LRRC4C: variants seen among roughly 807,000 people sequenced by gnomAD.
The protein encoded by LRRC4C is leucine-rich repeat-containing protein 4C.
A neutral mutation model predicts 33.6 loss-of-function variants in LRRC4C; 5 were observed. That is an observed-to-expected ratio of 0.15 (90% CI 0.08 to 0.31). The LOEUF (loss-of-function observed/expected upper bound fraction) is 0.31, where lower values mean the gene tolerates loss of function less well. LRRC4C is among the 10% of genes least tolerant of loss of function. The pLI, the probability that LRRC4C is intolerant of heterozygous loss-of-function variation, is 1.00. For missense variants in LRRC4C, 560 were observed against 796.7 expected, an observed-to-expected ratio of 0.70 and a Z score of 3.58; for synonymous variants, 329 against 302.0, an observed-to-expected ratio of 1.09 and a Z score of -0.93.
chr11:40,290,711 AT>A (rs756043107), intron 4 of LRRC4C, among the ~76,000 whole-genome samples: 8 of 151,466 alleles, frequency 5.3e-5, no homozygotes, highest in East Asian at 1.9e-4. Flanking sequence ...TGTCGATCTT[AT>A]TTTTTTTTAA....
At chr11:40,954,723 G>A (rs1290409708) in intron 1 of LRRC4C, among the ~76,000 whole-genome samples, 2 of 151,796 alleles carry the variant, frequency 1.3e-5, no homozygotes, top group Non-Finnish European at 2.9e-5. Context: ...CCAGACCACT[G>A]GCAGGTTAGT....
At chr11:40,929,193 C>T (rs1957509176) in intron 2 of LRRC4C, among the ~76,000 whole-genome samples, 1 of 152,130 alleles carries the variant, frequency 6.6e-6, no homozygotes, top group East Asian at 1.9e-4. Flanking sequence ...CTACTGGATG[C>T]CAACAATACC....
intron 2 of LRRC4C, among the ~76,000 whole-genome samples, chr11:40,806,016 C>T (rs1349662800): frequency 6.6e-6 from 1 of 152,126 alleles, no homozygotes; most frequent in Non-Finnish European, 1.5e-5. Flanking sequence ...CAAATGGCCC[C>T]TAATGTCCCA....
At chr11:40,378,221 T>C (rs906684861) in intron 3 of LRRC4C, among the ~76,000 whole-genome samples, 1 of 152,032 alleles carries the variant, frequency 6.6e-6, no homozygotes, top group African/African-American at 2.4e-5. Context: ...GATGAAGAAA[T>C]TGATCTTTGA....
chr11:40,860,426 GT>G lies in LRRC4C; in HGVS notation c.-407+73208del, dbSNP rs1565143771. Among the ~76,000 whole-genome samples the G allele has an allele frequency of 6.2e-5, 9 of 145,314 alleles. No individual in the cohort carries two copies. In the East Asian group the frequency reaches 1.8e-3, roughly 29 times the overall value. ...TGTTTCCTCTGAAATTAAGATGTCAGTGGAAACATGTTTCCTCTGAAATTAA... is the reference window on the plus strand; with the variant it reads ...TGTTTCCTCTGAAATTAAGATGTCAGGGAAACATGTTTCCTCTGAAATTAA... On this transcript the variant is annotated intron_variant, in intron 2 of 6. Coordinates refer to ENST00000528697, the MANE Select transcript of LRRC4C (RefSeq NM_001258419.2).
chr11:41,204,549 T>C (rs1281788836), intron 1 of LRRC4C, among the ~76,000 whole-genome samples: 4 of 152,358 alleles, frequency 2.6e-5, no homozygotes, highest in Admixed American at 2.0e-4. Flanking sequence ...CTCAGGCTCA[T>C]GGCTTTAAAA....
At chr11:41,002,100 C>A (rs1290816757) in intron 1 of LRRC4C, among the ~76,000 whole-genome samples, 1 of 152,082 alleles carries the variant, frequency 6.6e-6, no homozygotes, top group Non-Finnish European at 1.5e-5. Flanking sequence ...CTTCGAAACC[C>A]CTTTTTTGTA....
intron 2 of LRRC4C, among the ~76,000 whole-genome samples, chr11:40,845,075 G>T (rs1953094198): frequency 6.6e-6 from 1 of 151,982 alleles, no homozygotes; most frequent in East Asian, 1.9e-4. Flanking sequence ...AAAACGTCAT[G>T]TTGTACAACA....
At chr11:41,189,777 T>C (rs1353198429) in intron 1 of LRRC4C, among the ~76,000 whole-genome samples, 2 of 152,114 alleles carry the variant, frequency 1.3e-5, no homozygotes, top group East Asian at 1.9e-4. Flanking sequence ...AATGAGAAAC[T>C]AGGAAATAAA....
chr11:41,163,284 GTT>G (rs71466923), intron 1 of LRRC4C, among the ~76,000 whole-genome samples: 7 of 73,380 alleles, frequency 9.5e-5, no homozygotes, highest in Admixed American at 2.3e-4. Flanking sequence ...TACTGTAACT[GTT>G]TTTTTTTTTT....
intron 3 of LRRC4C, among the ~76,000 whole-genome samples, chr11:40,358,712 C>T (rs2137147079): frequency 6.6e-6 from 1 of 152,152 alleles, no homozygotes; most frequent in African/African-American, 2.4e-5. Context: ...GTGTGTGCAC[C>T]TGCGGAGACT....
intron 2 of LRRC4C, among the ~76,000 whole-genome samples, chr11:40,672,031 A>T: frequency 6.6e-6 from 1 of 152,184 alleles, no homozygotes; most frequent in East Asian, 1.9e-4. Flanking sequence ...GTTGTTAGTT[A>T]CTCATCACTG....
chr11:40,871,099 C>T lies in LRRC4C; in HGVS notation c.-407+62536G>A, dbSNP rs1033846001. ...AGGCTTATTAGGATGAGGAAATTCC[C>T]GCCTAATAAATTTTGGTCAGACCGG... is the stretch of plus-strand genomic sequence containing the variant. On this transcript the variant is annotated intron_variant, in intron 2 of 6. Transcript: ENST00000528697. 5.3e-5 allele frequency among the ~76,000 whole-genome samples: 8 copies of T among 152,072 alleles called. No individual in the cohort carries two copies. In the East Asian group the frequency reaches 9.7e-4, roughly 18 times the overall value.
chr11:41,379,239 C>T (rs185696109), intron 1 of LRRC4C, among the ~76,000 whole-genome samples: 5 of 152,274 alleles, frequency 3.3e-5, no homozygotes, highest in African/African-American at 9.6e-5. Flanking sequence ...TGGTTCAAAA[C>T]ATCTGTGATT....
chr11:40,448,009 G>A (rs1951717265), intron 3 of LRRC4C, among the ~76,000 whole-genome samples: 1 of 152,018 alleles, frequency 6.6e-6, no homozygotes, highest in African/African-American at 2.4e-5. Context: ...TAGAGGCGGG[G>A]TTTCACCATG....
chr11:40,273,575 T>C (rs972189919), intron 4 of LRRC4C, among the ~76,000 whole-genome samples: 4 of 152,142 alleles, frequency 2.6e-5, no homozygotes, highest in African/African-American at 9.7e-5. Flanking sequence ...CTCTTTACGA[T>C]GGATGTTACT....
At chr11:40,362,919 T>C (rs1948024086) in intron 3 of LRRC4C, among the ~76,000 whole-genome samples, 1 of 152,048 alleles carries the variant, frequency 6.6e-6, no homozygotes, top group African/African-American at 2.4e-5. Context: ...AAATAACAGA[T>C]GCTGTCAAGG....
At chr11:41,388,403 A>G (rs965342137) in intron 1 of LRRC4C, among the ~76,000 whole-genome samples, 1 of 151,894 alleles carries the variant, frequency 6.6e-6, no homozygotes, top group African/African-American at 2.4e-5. Flanking sequence ...GTTCCCATTT[A>G]AAAGACCTGA....
At chr11:41,192,645 C>G (rs1300734044) in intron 1 of LRRC4C, among the ~76,000 whole-genome samples, 1 of 151,894 alleles carries the variant, frequency 6.6e-6, no homozygotes, top group Non-Finnish European at 1.5e-5. Context: ...ACCTGTATAT[C>G]TTGTCTTAAA....
Sources: gnomAD v4.1 joint callset for allele counts (sites outside exome capture counted in the v4.1 genomes callset) on GRCh38, gnomAD v4.1.1 for gene constraint, MANE v1.5 for transcripts, NCBI Gene and HGNC (gene_info 2026-07-23, HGNC 2026-07-21) for gene names.